Variants in AGPAT3 observed in about 807,000 individuals in gnomAD.
AGPAT3 encodes the protein 1-acyl-sn-glycerol-3-phosphate acyltransferase gamma.
Under a neutral mutation model 47.3 loss-of-function variants are expected in AGPAT3, and 5 were observed. The observed-to-expected ratio is 0.11, with a 90% CI of 0.06 to 0.22. AGPAT3 has a LOEUF of 0.22. Among genes scored for constraint, AGPAT3 ranks in the 10% least tolerant of loss-of-function variants. The pLI is 1.00. For missense variants in AGPAT3, 315 were observed against 493.0 expected, an observed-to-expected ratio of 0.64 and a Z score of 3.42; for synonymous variants, 212 against 208.3, an observed-to-expected ratio of 1.02 and a Z score of -0.15.
intron 2 of AGPAT3, among the ~76,000 whole-genome samples, chr21:43,919,262 C>T (rs1283104097): frequency 2.9e-4 from 2 of 6,846 alleles, no homozygotes; most frequent in East Asian, 3.8e-3. Context: ...GTGCACCTGT[C>T]ACCCGAGCAG....
intron 1 of AGPAT3, among the ~76,000 whole-genome samples, chr21:43,889,557 G>A (rs907965925): frequency 3.3e-5 from 5 of 152,106 alleles, no homozygotes; most frequent in African/African-American, 4.8e-5. Flanking sequence ...TGTGGGTTCC[G>A]TTCCGGACTT....
At chr21:43,921,918 G>A (rs1466901017) in intron 2 of AGPAT3, among the ~76,000 whole-genome samples, 4 of 152,086 alleles carry the variant, frequency 2.6e-5, no homozygotes, top group African/African-American at 9.7e-5. Context: ...CAAGGTGTGG[G>A]GTGAGTGTGG....
In AGPAT3 at chr21:43,985,186, C is replaced by T. The variant is rs933076574; in HGVS notation, c.*2794C>T. 1 of 456,296 alleles carries T rather than the reference C, an allele frequency of 2.2e-6. No homozygotes were observed. 28.3% of individuals were successfully genotyped at this position (456,296 alleles called of 1,614,324 possible). ...GCCAGGTGTCATGGGGTCTCCTGCCCATCTTCCCAAGGATGCCATTGCTGT... is the reference window on the plus strand; with the variant it reads ...GCCAGGTGTCATGGGGTCTCCTGCCTATCTTCCCAAGGATGCCATTGCTGT... On this transcript the variant is annotated 3_prime_UTR_variant, in exon 10 of 10. Coordinates refer to ENST00000291572, the MANE Select transcript of AGPAT3 (RefSeq NM_020132.5).
chr21:43,888,486 T>C (rs1288005652), intron 1 of AGPAT3, among the ~76,000 whole-genome samples: 6 of 152,164 alleles, frequency 3.9e-5, no homozygotes, highest in African/African-American at 1.4e-4. Context: ...TGGCACACGT[T>C]TACCTGTGGA....
At position 43,984,177 on chromosome 21, in the gene AGPAT3, G is replaced by T; in HGVS notation, c.*1785G>T. 6.6e-6 allele frequency: 1 copy of T among 152,364 alleles called. No individual in the cohort carries two copies. The allele number at this position is 152,364 out of a possible 1,614,324, so 9.4% of individuals were successfully genotyped here. On this transcript the variant is annotated 3_prime_UTR_variant, in exon 10 of 10. Coordinates refer to ENST00000291572, the MANE Select transcript of AGPAT3 (RefSeq NM_020132.5). ...ACACGCTTGCAGACACTGTTGTTTT[G>T]GAAATGTGCTTCCCTCCATCTGAAA...
At chr21:43,909,318 C>T (rs1250031790) in intron 2 of AGPAT3, among the ~76,000 whole-genome samples, 2 of 127,376 alleles carry the variant, frequency 1.6e-5, no homozygotes, top group Non-Finnish European at 3.2e-5. Context: ...TTTTTTGAGA[C>T]GGGGTCTCAC....
Position 43,981,133 on chromosome 21 carries a change from T to C in AGPAT3, c.988T>C (p.Phe330Leu). ...SPLFSFVLGV[F>L]ASGSPLLILT... ...CCTCTTCAGTTTTGTCTTGGGCGTC[T>C]TTGCCAGCGGATCACCTCTCCTGAT... The change falls in exon 9 of 10, where the codon TTT becomes CTT. Residue 330 changes from phenylalanine (F) to leucine (L), a missense_variant. Transcript: ENST00000291572. The surrounding 1 kb of genome is among the most constrained non-coding windows in gnomAD (Gnocchi z 5.3). The C allele has an allele frequency of 6.2e-7, 1 of 1,614,186 alleles. No homozygotes were observed. The highest frequency in any genetic ancestry group is 8.5e-7 in the Non-Finnish European group (1 of 1,180,030).
intron 4 of AGPAT3, 53 bp from the exon 5 acceptor site, chr21:43,969,064 CT>C (rs982822376): frequency 1.9e-6 from 3 of 1,594,566 alleles, no homozygotes; most frequent in African/African-American, 1.3e-5. Context: ...GGCCAAGCCC[CT>C]GGCCTCTGTC....
rs2085823534 is a variant in AGPAT3, at chr21:43,880,056, GCC to G, written c.-112+14713_-112+14714del. Among the ~76,000 whole-genome samples, 1 of 152,260 alleles carries G rather than the reference GCC, an allele frequency of 6.6e-6. No individual in the cohort carries two copies. Among genetic ancestry groups the G allele is most frequent in the Non-Finnish European group, 1.5e-5 (1 of 68,042 alleles). On this transcript the variant is annotated intron_variant, in intron 1 of 9. Coordinates refer to ENST00000291572, the MANE Select transcript of AGPAT3 (RefSeq NM_020132.5). This position sits in a 1 kb window ranked among gnomAD's most constrained non-coding sequence, Gnocchi z 4.5. ...GCATGACTCCGGGGCGGAGGACGCA[GCC>G]CTGCATCCCTTGCGTCCCCAGGCAT...
Position 43,959,835 on chromosome 21 carries a change from C to G in AGPAT3, c.154C>G (p.Arg52Gly). ...SKQLYRRLNC[R>G]LAYSLWSQLV... ...GCAGCTCTACCGCCGCCTCAACTGC[C>G]GCCTCGCCTACTCACTCTGGAGCCG... The change falls in exon 3 of 10, where the codon CGC (arginine) becomes GGC (glycine). Residue 52 changes from arginine to glycine, a missense_variant. Coordinates refer to ENST00000291572, the MANE Select transcript of AGPAT3 (RefSeq NM_020132.5). The G allele has an allele frequency of 6.2e-7, 1 of 1,610,410 alleles. No homozygotes were observed. The highest frequency in any genetic ancestry group is 8.5e-7 in the Non-Finnish European group (1 of 1,179,738).
At chr21:43,916,552 T>C (rs2086734906) in intron 2 of AGPAT3, 1 of 152,104 alleles carries the variant, frequency 6.6e-6, no homozygotes, top group Non-Finnish European at 1.5e-5. Flanking sequence ...CCTTTTTTTT[T>C]TTTTTGCATT....
At position 43,961,789 on chromosome 21, in the gene AGPAT3, C is replaced by T. The variant is rs951394886; in HGVS notation, c.178+1930C>T. ...ATGTAGGAAATGGTGAGCGCATAGA[C>T]ACTTTGTCTCATATGGGAAATGGCT... is the stretch of plus-strand genomic sequence containing the variant. On this transcript the variant is annotated intron_variant, in intron 3 of 9. Coordinates refer to ENST00000291572, the MANE Select transcript of AGPAT3 (RefSeq NM_020132.5). Among the ~76,000 whole-genome samples, 6 of 152,078 alleles carry T rather than the reference C, an allele frequency of 3.9e-5. No homozygotes were observed. The South Asian group carries it at 8.3e-4, about 21-fold the overall frequency.
intron 2 of AGPAT3, among the ~76,000 whole-genome samples, chr21:43,910,391 G>A (rs2086605796): frequency 6.6e-6 from 1 of 152,240 alleles, no homozygotes; most frequent in Admixed American, 6.5e-5. Flanking sequence ...CTAATACAGT[G>A]AGGTGAAGGA....
chr21:43,879,104 C>G (rs964039438), intron 1 of AGPAT3, among the ~76,000 whole-genome samples: 3 of 152,162 alleles, frequency 2.0e-5, no homozygotes, highest in African/African-American at 7.2e-5. Context: ...AATCCCAGCA[C>G]TTTGGGAGGC....
At chr21:43,885,365 C>G (rs1601215685) in intron 1 of AGPAT3, among the ~76,000 whole-genome samples, 1 of 151,754 alleles carries the variant, frequency 6.6e-6, no homozygotes, top group Non-Finnish European at 1.5e-5. Context: ...TTTTTTTCTA[C>G]TTATGATTGC....
intron 7 of AGPAT3, among the ~76,000 whole-genome samples, chr21:43,976,608 ACT>A (rs2089631910): frequency 6.6e-6 from 1 of 151,906 alleles, no homozygotes; most frequent in Non-Finnish European, 1.5e-5. Flanking sequence ...TTCTAAGAAA[ACT>A]CTTCAGACAC....
intron 2 of AGPAT3, among the ~76,000 whole-genome samples, chr21:43,941,575 A>G (rs1471036347): frequency 6.6e-6 from 1 of 152,184 alleles, no homozygotes; most frequent in Non-Finnish European, 1.5e-5. Flanking sequence ...TAAGTGTGGA[A>G]TTTAGGAGAC....
At chr21:43,927,269 G>A (rs1231038553) in intron 2 of AGPAT3, among the ~76,000 whole-genome samples, 3 of 151,990 alleles carry the variant, frequency 2.0e-5, no homozygotes, top group South Asian at 2.1e-4. Context: ...TTTAATTTTT[G>A]TGGGTACATA....
intron 2 of AGPAT3, among the ~76,000 whole-genome samples, chr21:43,910,393 G>C (rs998945783): frequency 2.0e-5 from 3 of 152,226 alleles, no homozygotes; most frequent in Non-Finnish European, 4.4e-5. Flanking sequence ...AATACAGTGA[G>C]GTGAAGGAGG....
Sources: gnomAD v4.1 joint callset for allele counts (sites outside exome capture counted in the v4.1 genomes callset) on GRCh38, gnomAD v4.1.1 for gene constraint, Gnocchi (gnomAD v3.1) non-coding constraint, MANE v1.5 for transcripts, NCBI Gene and HGNC (gene_info 2026-07-23, HGNC 2026-07-21) for gene names.